DISC1: variants seen among roughly 807,000 people sequenced by gnomAD.
DISC1 encodes DISC1 scaffold protein.
Under a neutral mutation model 84.5 loss-of-function variants are expected in DISC1, and 57 were observed. The observed-to-expected ratio is 0.67, with a 90% CI of 0.55 to 0.84. The LOEUF is 0.84. Ranked by LOEUF, DISC1 falls within the 40% of genes least tolerant of loss-of-function variation. The pLI is 0.00. For synonymous variants in DISC1, 411 were observed against 415.2 expected, an observed-to-expected ratio of 0.99 and a Z score of 0.12; for missense variants, 1,000 against 1,057.8, an observed-to-expected ratio of 0.95 and a Z score of 0.76.
chr1:231,695,198 G>A (rs1425162761), intron 2 of DISC1, among the ~76,000 whole-genome samples: 1 of 152,178 alleles, frequency 6.6e-6, no homozygotes, highest in African/African-American at 2.4e-5. Flanking sequence ...CCTCTATCAG[G>A]GCGATCCTGC....
intron 9 of DISC1, among the ~76,000 whole-genome samples, chr1:231,905,330 A>G (rs1031156472): frequency 6.6e-6 from 1 of 152,222 alleles, no homozygotes; most frequent in Non-Finnish European, 1.5e-5. Flanking sequence ...CAGTCAAGGA[A>G]TGGCCAGGCT....
At chr1:231,770,279 G>A (rs369764204) in intron 5 of DISC1, among the ~76,000 whole-genome samples, 425 of 76,286 alleles carry the variant, frequency 5.6e-3, no homozygotes, top group African/African-American at 0.014. Flanking sequence ...TGCTATATTC[G>A]TAGAAATTAA....
In DISC1 at chr1:231,917,637, T is replaced by C. The variant is rs2089731422; in HGVS notation, c.1982-41191T>C. On this transcript the variant is annotated intron_variant, in intron 9 of 12. Transcript: ENST00000439617. ...CCTGCTCTGGATCTTGTGGGCTGTC[T>C]CCTCCAGCACACTGCATGCTAGAGG... Among the ~76,000 whole-genome samples, 4 of 152,254 alleles carry C rather than the reference T, an allele frequency of 2.6e-5. No individual in the cohort carries two copies. In the South Asian group the frequency reaches 8.3e-4, roughly 32 times the overall value.
chr1:231,997,411 A>G (rs1186441202), intron 10 of DISC1, among the ~76,000 whole-genome samples: 5 of 152,338 alleles, frequency 3.3e-5, no homozygotes, highest in East Asian at 3.9e-4. Flanking sequence ...ATAATAAAAA[A>G]TAACAGAGAA....
intron 9 of DISC1, among the ~76,000 whole-genome samples, chr1:231,861,452 G>GTT (rs59522401): frequency 4.4e-4 from 39 of 88,956 alleles, no homozygotes; most frequent in African/African-American, 1.4e-3. Flanking sequence ...ATTTTGACAA[G>GTT]TTTTTTTTTT....
intron 10 of DISC1, among the ~76,000 whole-genome samples, chr1:231,964,323 C>A (rs1046799187): frequency 6.6e-6 from 1 of 152,208 alleles, no homozygotes; most frequent in African/African-American, 2.4e-5. Context: ...GCCTCTCCAG[C>A]CATGCTGACG....
At position 231,694,579 on chromosome 1, in the gene DISC1, C is replaced by T. The variant is rs765577746; in HGVS notation, c.821C>T (p.Ser274Phe). 4 of 1,614,158 alleles carry T rather than the reference C, an allele frequency of 2.5e-6. No homozygotes were observed. The highest frequency in any genetic ancestry group is 3.4e-6 in the Non-Finnish European group (4 of 1,180,062). Residue 274 changes from serine to phenylalanine, a missense_variant, in exon 2 of 13, where the codon TCT becomes TTT. Coordinates refer to ENST00000439617, the MANE Select transcript of DISC1 (RefSeq NM_018662.3). ...RPFSLLATRV[S>F]ADLAQAARNS... ...TTCAGTCTCTTGGCTACACGGGTCTCTGCAGACTTGGCCCAGGCCGCAAGG... is the reference window on the plus strand; with the variant it reads ...TTCAGTCTCTTGGCTACACGGGTCTTTGCAGACTTGGCCCAGGCCGCAAGG...
At chr1:232,012,359 C>T (rs533617181) in intron 11 of DISC1, among the ~76,000 whole-genome samples, 8 of 152,260 alleles carry the variant, frequency 5.3e-5, no homozygotes, top group Admixed American at 2.0e-4. Flanking sequence ...CGTTTGTATT[C>T]GGGTCCAGGA....
rs57262026 is a variant in DISC1 at position 231,711,357 on chromosome 1, CTTTTTT to C, written c.1117+9349_1117+9354del. On this transcript the variant is annotated intron_variant, in intron 3 of 12. Transcript: ENST00000439617. ...TTTATTTTTGTATGAGGACATATTT[CTTTTTT>C]TTTTTTTTTTTTTTTGAGACAGAGT... Among the ~76,000 whole-genome samples the C allele has an allele frequency of 2.2e-4, 24 of 111,272 alleles. No homozygotes were observed. In the South Asian group the frequency reaches 2.7e-3, roughly 13 times the overall value. The allele number at this position is 111,272 out of a possible 152,430, so 73.0% of individuals were successfully genotyped here.
chr1:231,839,932 C>T (rs989533270), intron 9 of DISC1, among the ~76,000 whole-genome samples: 18 of 152,114 alleles, frequency 1.2e-4, no homozygotes, highest in East Asian at 7.7e-4. Context: ...ATAAGGGACT[C>T]GCCCCCATGA....
chr1:231,780,923 C>T (rs2077368184), intron 6 of DISC1, among the ~76,000 whole-genome samples: 1 of 113,490 alleles, frequency 8.8e-6, no homozygotes, highest in Non-Finnish European at 1.7e-5. Context: ...AAAAACCAAA[C>T]ACCGCATATT....
chr1:231,838,659 T>C (rs2082802247), intron 9 of DISC1, among the ~76,000 whole-genome samples: 1 of 152,232 alleles, frequency 6.6e-6, no homozygotes, highest in African/African-American at 2.4e-5. Context: ...TGTTTGTTAT[T>C]GATAGGGATG....
intron 4 of DISC1, among the ~76,000 whole-genome samples, chr1:231,756,156 A>G (rs1404049583): frequency 6.6e-6 from 1 of 152,216 alleles, no homozygotes; most frequent in Non-Finnish European, 1.5e-5. Flanking sequence ...TCTAGATTCT[A>G]TGATCTTGCT....
At chr1:231,753,988 C>A (rs1046590925) in intron 4 of DISC1, among the ~76,000 whole-genome samples, 1 of 152,198 alleles carries the variant, frequency 6.6e-6, no homozygotes, top group African/African-American at 2.4e-5. Flanking sequence ...ATAAGTTTCT[C>A]ATTTCCATCT....
At chr1:232,029,822 TA>T (rs1156987269) in intron 12 of DISC1, among the ~76,000 whole-genome samples, 7 of 152,172 alleles carry the variant, frequency 4.6e-5, no homozygotes, top group African/African-American at 1.7e-4. Flanking sequence ...CAACAGAGGT[TA>T]GGGGTGGGCA....
At position 231,636,645 on chromosome 1, in the gene DISC1, G is replaced by T. The variant is rs571837924; in HGVS notation, c.67+9711G>T. Among the ~76,000 whole-genome samples, 11 of 152,168 alleles carry T rather than the reference G, an allele frequency of 7.2e-5. No individual in the cohort carries two copies. In the East Asian group the frequency reaches 2.1e-3, roughly 29 times the overall value. On this transcript the variant is annotated intron_variant, in intron 1 of 12. Transcript: ENST00000439617. ...AAGCATAAGGTAATACATGATAAAA[G>T]ATATTGTTATTACCCCTGTTTCTGC...
At chr1:231,829,385 G>C (rs1222381226) in intron 9 of DISC1, among the ~76,000 whole-genome samples, 1 of 151,772 alleles carries the variant, frequency 6.6e-6, no homozygotes, top group Non-Finnish European at 1.5e-5. Context: ...TTTTTTTTGA[G>C]ACAGGGTCTC....
chr1:231,771,230 T>C, intron 6 of DISC1, 160 bp downstream of exon 6: 1 of 1,448,468 alleles, frequency 6.9e-7, no homozygotes, highest in Non-Finnish European at 9.1e-7. Flanking sequence ...TTCTTCACGG[T>C]GTGGGGCAGT....
chr1:231,912,151 C>A (rs553913897), intron 9 of DISC1, among the ~76,000 whole-genome samples: 1 of 152,016 alleles, frequency 6.6e-6, no homozygotes, highest in Non-Finnish European at 1.5e-5. Context: ...TTTATTATTA[C>A]CGATCGTTTG....
Sources: allele counts gnomAD v4.1 joint callset (sites outside exome capture counted in the v4.1 genomes callset), GRCh38; gene constraint gnomAD v4.1.1; transcripts MANE v1.5; gene names NCBI Gene and HGNC (gene_info 2026-07-23, HGNC 2026-07-21).